Variants in TRPM8 observed in about 807,000 individuals in gnomAD.
TRPM8 encodes the protein TRPM8 cationic channel.
Under a neutral mutation model 133.7 loss-of-function variants are expected in TRPM8, and 110 were observed. That is an observed-to-expected ratio of 0.82 (90% CI 0.70 to 0.96). TRPM8 has a LOEUF of 0.96. Ranked by LOEUF, TRPM8 falls within the 40% of genes least tolerant of loss-of-function variation. The probability of loss-of-function intolerance (pLI) is 0.00; values close to 1 mark genes in which losing one functional copy is unlikely to be tolerated. For missense variants in TRPM8, 1,291 were observed against 1,379.5 expected, an observed-to-expected ratio of 0.94 and a Z score of 1.02; for synonymous variants, 535 against 532.3, an observed-to-expected ratio of 1.01 and a Z score of -0.07.
intron 1 of TRPM8, among the ~76,000 whole-genome samples, chr2:233,923,872 G>T (rs987817147): frequency 6.6e-6 from 1 of 152,142 alleles, no homozygotes; most frequent in Non-Finnish European, 1.5e-5. Context: ...ATGTAAAGAG[G>T]CTTACAATCA....
At chr2:234,006,494 G>C (rs1157893954) in intron 22 of TRPM8, among the ~76,000 whole-genome samples, 1 of 152,162 alleles carries the variant, frequency 6.6e-6, no homozygotes, top group African/African-American at 2.4e-5. Flanking sequence ...GAATTGTTTA[G>C]CATTTTTATG....
intron 9 of TRPM8, 36 bp from the exon 10 acceptor site, chr2:233,953,881 T>G (rs749300694): frequency 6.4e-6 from 10 of 1,555,442 alleles, no homozygotes; most frequent in Non-Finnish European, 8.8e-6. Flanking sequence ...ATGCCTAAAA[T>G]CTGTTGGCTG....
intron 6 of TRPM8, among the ~76,000 whole-genome samples, chr2:233,944,001 G>A (rs748007168): frequency 3.9e-5 from 6 of 152,218 alleles, no homozygotes; most frequent in Middle Eastern, 3.4e-3. Context: ...CAAGGAGGAA[G>A]CATGGTAGAG....
At chr2:234,011,904 G>T (rs1375948901) in intron 24 of TRPM8, among the ~76,000 whole-genome samples, 2 of 103,200 alleles carry the variant, frequency 1.9e-5, no homozygotes, top group East Asian at 2.7e-4. Context: ...GAGACAGAGC[G>T]AGACTGTCTC....
At chr2:233,998,616 A>G (rs17864773) in intron 22 of TRPM8, among the ~76,000 whole-genome samples, 602 of 91,842 alleles carry the variant, frequency 6.6e-3, no homozygotes, top group Middle Eastern at 0.018. Context: ...ATCCAGTTAG[A>G]GTGAGCCGCT....
intron 5 of TRPM8, among the ~76,000 whole-genome samples, chr2:233,941,280 A>G (rs1690898690): frequency 6.6e-6 from 1 of 152,212 alleles, no homozygotes; most frequent in Non-Finnish European, 1.5e-5. Context: ...AAAAGCAAGC[A>G]AGGCAGGTGA....
At chr2:233,937,307 G>A (rs1690777308) in intron 3 of TRPM8, 46 bp from the exon 4 acceptor site, 2 of 1,605,492 alleles carry the variant, frequency 1.2e-6, no homozygotes, top group Non-Finnish European at 1.7e-6. Flanking sequence ...CCATAAGCAG[G>A]CTCAATGAAA....
intron 21 of TRPM8, among the ~76,000 whole-genome samples, chr2:233,991,290 T>G (rs1274380737): frequency 6.6e-6 from 1 of 152,262 alleles, no homozygotes; most frequent in Non-Finnish European, 1.5e-5. Context: ...GTTAGCAATA[T>G]ACTAACCTGA....
chr2:233,955,084 T>G (rs764630414), intron 10 of TRPM8, 48 bp from the exon 11 acceptor site: 1 of 1,437,604 alleles, frequency 7.0e-7, no homozygotes, highest in Non-Finnish European at 9.8e-7. Context: ...GTTCTCACTC[T>G]TATTTCTGAG....
At chr2:233,926,724 T>G in intron 2 of TRPM8, 70 bp downstream of exon 2, 1 of 1,190,060 alleles carries the variant, frequency 8.4e-7, no homozygotes, top group Non-Finnish European at 1.2e-6. Flanking sequence ...ATCCTGCATT[T>G]GCACATTGAC....
chr2:233,918,297 A>G (rs1186150302), intron 1 of TRPM8, among the ~76,000 whole-genome samples: 2 of 149,536 alleles, frequency 1.3e-5, no homozygotes, highest in African/African-American at 2.4e-5. Flanking sequence ...TTATTTATTA[A>G]TAAGATATTT....
intron 21 of TRPM8, 102 bp downstream of exon 21, chr2:233,985,967 A>G (rs1574763261): frequency 8.9e-7 from 1 of 1,123,420 alleles, no homozygotes; most frequent in East Asian, 2.6e-5. Context: ...CTTGAGGAAC[A>G]TACTTTAGAG....
At position 233,950,158 on chromosome 2, in the gene TRPM8, G is replaced by C; in HGVS notation, c.1140+12G>C. ...GTTGGATCAAATGGGTAAGTTGTCG[G>C]GACCATGTCTGAGGGCTGAGAAAAT... is the stretch of plus-strand genomic sequence containing the variant. On this transcript the variant is annotated intron_variant, in intron 9 of 25. Transcript: ENST00000324695. 1 of 1,609,806 alleles carries C rather than the reference G, an allele frequency of 6.2e-7. No homozygotes were observed. Among genetic ancestry groups the C allele is most frequent in the South Asian group, 1.1e-5 (1 of 90,464 alleles).
chr2:233,995,906 A>T (rs1692389883), intron 21 of TRPM8, among the ~76,000 whole-genome samples: 1 of 152,142 alleles, frequency 6.6e-6, no homozygotes, highest in Non-Finnish European at 1.5e-5. Flanking sequence ...GATAAACACT[A>T]ACAAGCTGTT....
intron 11 of TRPM8, among the ~76,000 whole-genome samples, chr2:233,959,470 C>CT (rs1247723568): frequency 6.6e-6 from 1 of 150,962 alleles, no homozygotes; most frequent in African/African-American, 2.4e-5. Context: ...ACCTGGCTAA[C>CT]TTTTTTATTT....
At chr2:233,947,608 C>A (rs1410095410) in intron 8 of TRPM8, 4 of 1,290,000 alleles carry the variant, frequency 3.1e-6, no homozygotes, top group African/African-American at 1.5e-5. Context: ...GAATTCCAAA[C>A]CCTAAGTGAT....
intron 15 of TRPM8, among the ~76,000 whole-genome samples, chr2:233,967,491 C>G (rs1559533285): frequency 6.6e-6 from 1 of 152,192 alleles, no homozygotes; most frequent in African/African-American, 2.4e-5. Flanking sequence ...GGTGCCATCC[C>G]ATTTCACTGA....
intron 22 of TRPM8, among the ~76,000 whole-genome samples, chr2:234,003,108 C>T (rs537722336): frequency 1.8e-4 from 28 of 152,242 alleles, no homozygotes; most frequent in East Asian, 1.3e-3. Flanking sequence ...GAAAAGGAGA[C>T]AAAGTACTCA....
chr2:233,978,717 T>A (rs1691931790), intron 17 of TRPM8, among the ~76,000 whole-genome samples: 1 of 152,186 alleles, frequency 6.6e-6, no homozygotes, highest in African/African-American at 2.4e-5. Context: ...AATGCTGCAA[T>A]AAACATCCTA....
Sources: gnomAD v4.1 joint callset for allele counts (sites outside exome capture counted in the v4.1 genomes callset) on GRCh38, gnomAD v4.1.1 for gene constraint, MANE v1.5 for transcripts, NCBI Gene and HGNC (gene_info 2026-07-23, HGNC 2026-07-21) for gene names.